The following ATXN10 variants were observed in gnomAD, a reference collection of about 807,000 sequenced individuals.
ATXN10 encodes the protein ataxin-10.
In ATXN10, 28 loss-of-function variants were observed where a neutral mutation model predicts 52.9. That is an observed-to-expected ratio of 0.53 (90% CI 0.39 to 0.73). The LOEUF (loss-of-function observed/expected upper bound fraction) is 0.73, where lower values mean the gene tolerates loss of function less well. Among genes scored for constraint, ATXN10 ranks in the 30% least tolerant of loss-of-function variants. ATXN10 has a pLI of 0.00. For synonymous variants in ATXN10, 226 were observed against 221.5 expected (o/e 1.02, Z -0.18); for missense variants, 565 against 577.0 (o/e 0.98, Z 0.21).
rs1923316713 is a variant in ATXN10 at position 45,690,206 on chromosome 22, A to G, written c.308+303A>G. On this transcript the variant is annotated intron_variant, in intron 2 of 11. Coordinates refer to ENST00000252934, the MANE Select transcript of ATXN10 (RefSeq NM_013236.4). This position sits in a 1 kb window ranked among gnomAD's most constrained non-coding sequence, Gnocchi z 4.5. ...TGGGAGGATTGCTTGGGCCAGGGAG[A>G]GGCAGAGGTTGCAGTAATCTGAGAT... Among the ~76,000 whole-genome samples the G allele has an allele frequency of 6.6e-6, 1 of 151,238 alleles. No individual in the cohort carries two copies. Among genetic ancestry groups the G allele is most frequent in the Non-Finnish European group, 1.5e-5 (1 of 67,902 alleles).
intron 9 of ATXN10, among the ~76,000 whole-genome samples, chr22:45,777,158 T>C (rs1246995178): frequency 6.6e-6 from 1 of 152,230 alleles, no homozygotes; most frequent in African/African-American, 2.4e-5. Flanking sequence ...CTTACTGAGA[T>C]GGATCAGCCT....
intron 8 of ATXN10, among the ~76,000 whole-genome samples, chr22:45,739,751 A>G (rs1367190820): frequency 1.3e-5 from 2 of 152,158 alleles, no homozygotes; most frequent in African/African-American, 4.8e-5. Context: ...GTTTGTTGAG[A>G]GGGTTAAATG....
rs1357382004 is a variant in ATXN10, at chr22:45,816,794, G to A, written c.1237+9772G>A. ...TCTTTATTAGTCACATGTGCATTTT[G>A]GAGCTTCCATTTGGGAAATTCTGAA... On this transcript the variant is annotated intron_variant, in intron 10 of 11. Coordinates refer to ENST00000252934, the MANE Select transcript of ATXN10 (RefSeq NM_013236.4). This position sits in a 1 kb window ranked among gnomAD's most constrained non-coding sequence, Gnocchi z 5.8. Among the ~76,000 whole-genome samples the A allele has an allele frequency of 6.6e-6, 1 of 152,168 alleles. No individual in the cohort carries two copies. The highest frequency in any genetic ancestry group is 1.5e-5 in the Non-Finnish European group (1 of 68,018).
At chr22:45,746,347 A>G (rs989912334) in intron 9 of ATXN10, among the ~76,000 whole-genome samples, 37 of 151,414 alleles carry the variant, frequency 2.4e-4, no homozygotes, top group African/African-American at 8.8e-4. Flanking sequence ...AATGTTTTCA[A>G]GCAGCGTATT....
chr22:45,720,429 T>G (rs924647225), intron 6 of ATXN10, among the ~76,000 whole-genome samples: 1 of 152,088 alleles, frequency 6.6e-6, no homozygotes, highest in African/African-American at 2.4e-5. Flanking sequence ...CCCAAGCTCC[T>G]GGCCTCAAAC....
rs564427383 is a variant in ATXN10, at chr22:45,696,601, T to C, written c.391+3523T>C. Among the ~76,000 whole-genome samples, 190 of 152,356 alleles carry C rather than the reference T, an allele frequency of 1.2e-3. No individual in the cohort carries two copies. The Middle Eastern group carries it at 0.027, about 22-fold the overall frequency. ...TGCTCTCAGGCAGCCTCTGTTTTTTTCCTCTTTACTCCATCATTTTCATCA... is the reference window on the plus strand; with the variant it reads ...TGCTCTCAGGCAGCCTCTGTTTTTTCCCTCTTTACTCCATCATTTTCATCA... On this transcript the variant is annotated intron_variant, in intron 3 of 11. Transcript: ENST00000252934. This position sits in a 1 kb window ranked among gnomAD's most constrained non-coding sequence, Gnocchi z 4.7.
intron 7 of ATXN10, among the ~76,000 whole-genome samples, chr22:45,731,414 A>G (rs997134358): frequency 2.8e-4 from 42 of 152,220 alleles, no homozygotes; most frequent in African/African-American, 9.9e-4. Flanking sequence ...GTATACCTTG[A>G]CACAACTTTG....
chr22:45,753,667 A>C (rs1200767546), intron 9 of ATXN10, among the ~76,000 whole-genome samples: 1 of 151,836 alleles, frequency 6.6e-6, no homozygotes, highest in Non-Finnish European at 1.5e-5. Context: ...CCAGCCTCCC[A>C]AAGTGCTGGG....
Position 45,824,576 on chromosome 22 carries a change from A to ATC in ATXN10, c.1237+17555_1237+17556dup, listed in dbSNP as rs565095314. Among the ~76,000 whole-genome samples, 2 of 152,292 alleles carry ATC rather than the reference A, an allele frequency of 1.3e-5. No homozygotes were observed. Among genetic ancestry groups the ATC allele is most frequent in the African/African-American group, 4.8e-5 (2 of 41,568 alleles). ...AAGGGAAAATGAGGAAACTCTAAGA[A>ATC]TCGTGTCATATTTAATGAAATCTTC... On this transcript the variant is annotated intron_variant, in intron 10 of 11. Transcript: ENST00000252934. The surrounding 1 kb of genome is among the most constrained non-coding windows in gnomAD (Gnocchi z 5.2).
intron 10 of ATXN10, among the ~76,000 whole-genome samples, chr22:45,834,003 A>G (rs1477789417): frequency 6.6e-6 from 1 of 152,230 alleles, no homozygotes; most frequent in Non-Finnish European, 1.5e-5. Context: ...ATAGTAACGA[A>G]CATCTACCGC....
chr22:45,757,914 T>G lies in ATXN10; in HGVS notation c.1173+17376T>G, dbSNP rs1926232959. Among the ~76,000 whole-genome samples the G allele has an allele frequency of 6.6e-6, 1 of 152,264 alleles. No homozygotes were observed. The highest frequency in any genetic ancestry group is 2.4e-5 in the African/African-American group (1 of 41,472). Reference sequence around the variant, plus strand: ...TTATAAAATTGGCATTTATTGGACCTCTGCTGTGGATACTATTTACTTCTT... The same window carrying G: ...TTATAAAATTGGCATTTATTGGACCGCTGCTGTGGATACTATTTACTTCTT... On this transcript the variant is annotated intron_variant, in intron 9 of 11. Transcript: ENST00000252934. This position sits in a 1 kb window ranked among gnomAD's most constrained non-coding sequence, Gnocchi z 4.6.
rs114336022 is a variant in ATXN10 at position 45,731,581 on chromosome 22, T to C, written c.894+1991T>C. On this transcript the variant is annotated intron_variant, in intron 7 of 11. Transcript: ENST00000252934. The stretch of plus-strand genomic sequence containing the variant: ...TGATGCTGGAATCACTGTTGGCAAA[T>C]GGGCAACACTGGAGGAGAGGGATTG... Among the ~76,000 whole-genome samples the C allele has an allele frequency of 7.3e-3, 1,118 of 152,258 alleles. 8 individuals are homozygous for C. The highest frequency in any genetic ancestry group is 0.025 in the African/African-American group (1,054 of 41,524).
At position 45,678,970 on chromosome 22, in the gene ATXN10, A is replaced by G. The variant is rs1351744302; in HGVS notation, c.116+6791A>G. On this transcript the variant is annotated intron_variant, in intron 1 of 11. Transcript: ENST00000252934. This position sits in a 1 kb window ranked among gnomAD's most constrained non-coding sequence, Gnocchi z 4.1. ...TTATATTTACAAAATAAATTTGTAA[A>G]TTTGTAAATATAAATGTCTTAAGCC... is the stretch of plus-strand genomic sequence containing the variant. 6.6e-6 allele frequency: 1 copy of G among 152,226 alleles called. No homozygotes were observed. Among genetic ancestry groups the G allele is most frequent in the Non-Finnish European group, 1.5e-5 (1 of 68,036 alleles). The allele number at this position is 152,226 out of a possible 1,614,324, so 9.4% of individuals were successfully genotyped here. A position where few individuals can be genotyped will look rare whatever the true frequency, so the allele number is the denominator to read the frequency against.
Position 45,718,305 on chromosome 22 carries a change from A to G in ATXN10, c.648-108A>G. ...TAAGATTACAGCAAATCAAAAATTC[A>G]CTGAAAAGAAATGCTTTTGTGTGTA... On this transcript the variant is annotated intron_variant, in intron 5 of 11. Transcript: ENST00000252934. This position sits in a 1 kb window ranked among gnomAD's most constrained non-coding sequence, Gnocchi z 4.4. 1.1e-6 allele frequency: 1 copy of G among 869,588 alleles called. No individual in the cohort carries two copies. The highest frequency in any genetic ancestry group is 2.0e-6 in the Non-Finnish European group (1 of 507,692). The allele number at this position is 869,588 out of a possible 1,614,324, so 53.9% of individuals were successfully genotyped here.
In ATXN10 at chr22:45,842,244, G is replaced by A. The variant is rs114733442; in HGVS notation, c.1238-747G>A. Among the ~76,000 whole-genome samples, 588 of 152,224 alleles carry A rather than the reference G, an allele frequency of 3.9e-3. 3 individuals carry two copies. Among genetic ancestry groups the A allele is most frequent in the African/African-American group, 0.014 (569 of 41,526 alleles). On this transcript the variant is annotated intron_variant, in intron 10 of 11. Coordinates refer to ENST00000252934, the MANE Select transcript of ATXN10 (RefSeq NM_013236.4). This position sits in a 1 kb window ranked among gnomAD's most constrained non-coding sequence, Gnocchi z 4.8. ...CTTAATGTTTGCATGAGGTTTACATGGCTCTTGGTGATTAAATCAAATGCC... is the reference window on the plus strand; with the variant it reads ...CTTAATGTTTGCATGAGGTTTACATAGCTCTTGGTGATTAAATCAAATGCC...
chr22:45,705,982 C>G lies in ATXN10; in HGVS notation c.647+3135C>G, dbSNP rs1924025449. ...CAGCCACATTCGATTCTCTTAGGAGCACAAACCCTGTTGTGAACTGCGCAT... is the reference window on the plus strand; with the variant it reads ...CAGCCACATTCGATTCTCTTAGGAGGACAAACCCTGTTGTGAACTGCGCAT... On this transcript the variant is annotated intron_variant, in intron 5 of 11. Transcript: ENST00000252934. This position sits in a 1 kb window ranked among gnomAD's most constrained non-coding sequence, Gnocchi z 5.2. Among the ~76,000 whole-genome samples the G allele has an allele frequency of 6.6e-6, 1 of 152,188 alleles. No homozygotes were observed. Among genetic ancestry groups the G allele is most frequent in the Admixed American group, 6.5e-5 (1 of 15,290 alleles).
chr22:45,700,021 A>T (rs1923778399), intron 3 of ATXN10, among the ~76,000 whole-genome samples: 1 of 152,026 alleles, frequency 6.6e-6, no homozygotes, highest in Admixed American at 6.6e-5. Context: ...CATATTGGCC[A>T]GGCTGGTCTT....
In ATXN10 at chr22:45,700,381, G is replaced by C; in HGVS notation, c.488+3G>C. On this transcript the variant is annotated splice_donor_region_variant and intron_variant, in intron 4 of 11. Coordinates refer to ENST00000252934, the MANE Select transcript of ATXN10 (RefSeq NM_013236.4). ...CATGCTTTCCCAGAACTGTTTTTGTGAGTATATTGATAAGCATTTTTCTAA... is the reference window on the plus strand; with the variant it reads ...CATGCTTTCCCAGAACTGTTTTTGTCAGTATATTGATAAGCATTTTTCTAA... 6.2e-7 allele frequency: 1 copy of C among 1,602,850 alleles called. No individual in the cohort carries two copies. Among genetic ancestry groups the C allele is most frequent in the Non-Finnish European group, 8.5e-7 (1 of 1,169,862 alleles).
rs1349930097 is a variant in ATXN10, at chr22:45,825,040, C to T, written c.1238-17951C>T. Reference sequence around the variant, plus strand: ...CTCTAGCTCAGTAGCAGCTATTCCTCCTCCATCCCCAGTCCTATGGCAGAC... The same window carrying T: ...CTCTAGCTCAGTAGCAGCTATTCCTTCTCCATCCCCAGTCCTATGGCAGAC... On this transcript the variant is annotated intron_variant, in intron 10 of 11. Transcript: ENST00000252934. The surrounding 1 kb of genome is among the most constrained non-coding windows in gnomAD (Gnocchi z 4.5). Among the ~76,000 whole-genome samples the T allele has an allele frequency of 6.6e-6, 1 of 152,254 alleles. No homozygotes were observed. The highest frequency in any genetic ancestry group is 1.5e-5 in the Non-Finnish European group (1 of 68,048).
Sources: allele counts gnomAD v4.1 joint callset (sites outside exome capture counted in the v4.1 genomes callset), GRCh38; gene constraint gnomAD v4.1.1; non-coding constraint Gnocchi (gnomAD v3.1); transcripts MANE v1.5; gene names NCBI Gene and HGNC (gene_info 2026-07-23, HGNC 2026-07-21).